Variants in GNA15 observed in about 807,000 individuals in gnomAD.
GNA15 encodes the protein guanine nucleotide-binding protein subunit alpha-15.
GNA15 carries 23 observed loss-of-function variants against 40.1 expected under a neutral mutation model. The ratio of observed to expected loss-of-function variants is 0.57; its 90% CI spans 0.41 to 0.81. The LOEUF (loss-of-function observed/expected upper bound fraction) is 0.81, where lower values mean the gene tolerates loss of function less well. Ranked by LOEUF, GNA15 falls within the 40% of genes least tolerant of loss-of-function variation. The pLI is 0.00. For missense variants in GNA15, 522 were observed against 515.8 expected, an observed-to-expected ratio of 1.01 and a Z score of -0.12; for synonymous variants, 226 against 210.4, an observed-to-expected ratio of 1.07 and a Z score of -0.64.
intron 6 of GNA15, 117 bp downstream of exon 6, chr19:3,157,998 C>T (rs1915069851): frequency 2.6e-6 from 2 of 783,702 alleles, no homozygotes; most frequent in African/African-American, 3.4e-5. Context: ...TAGGATCAGA[C>T]CCGCGTTCTA....
chr19:3,162,568 C>T (rs548725038), intron 6 of GNA15, among the ~76,000 whole-genome samples: 1 of 152,324 alleles, frequency 6.6e-6, no homozygotes, highest in East Asian at 1.9e-4. Flanking sequence ...CTCATTGGTC[C>T]ATTTCAGGTC....
chr19:3,159,544 C>T (rs770949196), intron 6 of GNA15, among the ~76,000 whole-genome samples: 1 of 151,816 alleles, frequency 6.6e-6, no homozygotes, highest in South Asian at 2.1e-4. Context: ...GGGGTTTCTC[C>T]ATGTTGGTCA....
chr19:3,137,184 G>A (rs1050522850), intron 1 of GNA15, among the ~76,000 whole-genome samples: 1 of 152,228 alleles, frequency 6.6e-6, no homozygotes, highest in African/African-American at 2.4e-5. Flanking sequence ...AGATATTTCT[G>A]TCTTCCTGGA....
chr19:3,154,513 TG>T (rs1267844066), intron 4 of GNA15, among the ~76,000 whole-genome samples: 1 of 150,160 alleles, frequency 6.7e-6, no homozygotes. Flanking sequence ...GATGAGTAAA[TG>T]GAGAGATGGA....
chr19:3,155,332 C>T lies in GNA15; in HGVS notation c.615-491C>T, dbSNP rs966788136. 2.0e-5 allele frequency among the ~76,000 whole-genome samples: 3 copies of T among 152,088 alleles called. No individual in the cohort carries two copies. Among genetic ancestry groups the T allele is most frequent in the Non-Finnish European group, 2.9e-5 (2 of 68,008 alleles). On this transcript the variant is annotated intron_variant, in intron 4 of 6. Coordinates refer to ENST00000262958, the MANE Select transcript of GNA15 (RefSeq NM_002068.4). The surrounding 1 kb of genome is among the most constrained non-coding windows in gnomAD (Gnocchi z 5.6). ...GGGGGCAGGGTTCAGGCTTTTGTTA[C>T]GGTGCGTGGGGCTGAGTCACAGATG...
chr19:3,156,303 A>G lies in GNA15; in HGVS notation c.744+351A>G, dbSNP rs181415183. On this transcript the variant is annotated intron_variant, in intron 5 of 6. Coordinates refer to ENST00000262958, the MANE Select transcript of GNA15 (RefSeq NM_002068.4). ...ACACGTGCACACACGGGACACATGT[A>G]CACACGCAGTGCACATGCACAACAC... Among the ~76,000 whole-genome samples, 463 of 151,788 alleles carry G rather than the reference A, an allele frequency of 3.1e-3. 2 individuals carry two copies. Among genetic ancestry groups the G allele is most frequent in the Non-Finnish European group, 5.5e-3 (373 of 67,966 alleles).
Position 3,163,345 on chromosome 19 carries a change from C to T in GNA15, c.*326C>T. On this transcript the variant is annotated 3_prime_UTR_variant, in exon 7 of 7. Transcript: ENST00000262958. ...GTGGGTGGGCATCTCTCAGGAGCCC[C>T]ATCTCCGGGCGTGTCACCTCCTGGG... 1 of 384,134 alleles carries T rather than the reference C, an allele frequency of 2.6e-6. No homozygotes were observed. Among genetic ancestry groups the T allele is most frequent in the Admixed American group, 4.0e-5 (1 of 24,846 alleles). The allele number at this position is 384,134 out of a possible 1,614,324, so 23.8% of individuals were successfully genotyped here.
intron 1 of GNA15, among the ~76,000 whole-genome samples, chr19:3,140,973 G>A (rs1914563273): frequency 1.3e-5 from 2 of 152,182 alleles, no homozygotes; most frequent in Non-Finnish European, 2.9e-5. Context: ...CCTCATCCCT[G>A]GAGACAGGTC....
intron 6 of GNA15, 29 bp from the exon 7 acceptor site, chr19:3,162,764 C>A: frequency 6.6e-7 from 1 of 1,526,464 alleles, no homozygotes; most frequent in Non-Finnish European, 9.1e-7. Flanking sequence ...AGGGAGGGTC[C>A]TCACCCCCTT....
intron 1 of GNA15, among the ~76,000 whole-genome samples, chr19:3,140,298 G>C (rs566181325): frequency 3.3e-5 from 5 of 152,184 alleles, no homozygotes; most frequent in African/African-American, 1.2e-4. Flanking sequence ...TCCTGCTACT[G>C]TCTGTAGGAT....
At chr19:3,157,351 T>C (rs1161503580) in intron 5 of GNA15, among the ~76,000 whole-genome samples, 1 of 152,112 alleles carries the variant, frequency 6.6e-6, no homozygotes, top group African/African-American at 2.4e-5. Context: ...GGCCACCGTA[T>C]TCTAGTATTG....
chr19:3,162,920 C>T lies in GNA15; in HGVS notation c.1026C>T (p.His342=), dbSNP rs773918054. 8.1e-6 allele frequency: 13 copies of T among 1,613,918 alleles called. No homozygotes were observed. The highest frequency in any genetic ancestry group is 2.5e-6 in the Non-Finnish European group (3 of 1,179,898). Residue 342 remains histidine, a synonymous_variant, in exon 7 of 7, where the codon CAC becomes CAT. Transcript: ENST00000262958. The part of the protein sequence containing the change: ...KGARSRRLFS[H]YTCATDTQNI... ...CACGATCCCGACGCCTCTTCAGCCA[C>T]TACACATGTGCCACAGACACACAGA...
intron 6 of GNA15, among the ~76,000 whole-genome samples, chr19:3,160,351 C>G (rs1044943015): frequency 2.0e-5 from 3 of 152,184 alleles, no homozygotes; most frequent in Non-Finnish European, 4.4e-5. Flanking sequence ...TTCTCTCTGT[C>G]TCCATCTGGG....
At position 3,150,363 on chromosome 19, in the gene GNA15, C is replaced by T. The variant is rs568944038; in HGVS notation, c.485+78C>T. 20 of 1,283,338 alleles carry T rather than the reference C, an allele frequency of 1.6e-5. No homozygotes were observed. In the East Asian group the frequency reaches 4.8e-4, roughly 31 times the overall value. The allele number at this position is 1,283,338 out of a possible 1,614,324, so 79.5% of individuals were successfully genotyped here. A position where few individuals can be genotyped will look rare whatever the true frequency, so the allele number is the denominator to read the frequency against. The stretch of plus-strand genomic sequence containing the variant: ...GGCCAGGCTGGCTGGCTTCCTGCAG[C>T]AGGAGATATTGTGGGCGCAGATGGG... On this transcript the variant is annotated intron_variant, in intron 3 of 6. Coordinates refer to ENST00000262958, the MANE Select transcript of GNA15 (RefSeq NM_002068.4).
intron 4 of GNA15, among the ~76,000 whole-genome samples, chr19:3,152,290 G>C (rs1346909249): frequency 6.6e-6 from 1 of 152,004 alleles, no homozygotes; most frequent in Non-Finnish European, 1.5e-5. Flanking sequence ...AAAAGGAGGA[G>C]CCAGGACAGC....
intron 4 of GNA15, among the ~76,000 whole-genome samples, chr19:3,154,632 ATGGGTGGATGGATGGG>A (rs1914968198): frequency 6.8e-6 from 1 of 146,710 alleles, no homozygotes; most frequent in Non-Finnish European, 1.5e-5. Flanking sequence ...GAATGGCTGG[ATGGGTGGATGGATGGG>A]TGGGTGGATG....
intron 2 of GNA15, chr19:3,149,535 C>T (rs766353474): frequency 5.7e-5 from 9 of 156,600 alleles, no homozygotes; most frequent in Non-Finnish European, 9.9e-5. Context: ...CACCCAGACA[C>T]ACCCATGTAC....
At position 3,155,750 on chromosome 19, in the gene GNA15, G is replaced by A; in HGVS notation, c.615-73G>A. The A allele has an allele frequency of 2.6e-6, 4 of 1,542,954 alleles. No homozygotes were observed. The highest frequency in any genetic ancestry group is 2.6e-6 in the Non-Finnish European group (3 of 1,140,488). ...CTATTATGGATCTTGGCATATCCCA[G>A]ACGTGATGGGGGTTGGGGGTGTCAC... On this transcript the variant is annotated intron_variant, in intron 4 of 6. Transcript: ENST00000262958. This position sits in a 1 kb window ranked among gnomAD's most constrained non-coding sequence, Gnocchi z 5.6.
rs1372088870 is a variant in GNA15 at position 3,150,284 on chromosome 19, T to C, written c.484T>C (p.Tyr162His). 10 of 1,583,354 alleles carry C rather than the reference T, an allele frequency of 6.3e-6. No homozygotes were observed. The highest frequency in any genetic ancestry group is 1.3e-5 in the African/African-American group (1 of 74,306). The stretch of plus-strand genomic sequence containing the variant: ...ATTCCACCTGCTCGATTCAGCCGTG[T>C]AGTGAGTCTGGGGTCTGCGGGGGAT... ...REFHLLDSAV[Y>H]YLSHLERITE... Residue 162 changes from tyrosine to histidine, a missense_variant and splice_region_variant, in exon 3 of 7, where the codon TAC (tyrosine) becomes CAC (histidine). By Grantham distance (83) the Tyr-to-His change is moderately conservative. Coordinates refer to ENST00000262958, the MANE Select transcript of GNA15 (RefSeq NM_002068.4).
Sources: gnomAD v4.1 joint callset for allele counts (sites outside exome capture counted in the v4.1 genomes callset) on GRCh38, gnomAD v4.1.1 for gene constraint, Gnocchi (gnomAD v3.1) non-coding constraint, MANE v1.5 for transcripts, NCBI Gene and HGNC (gene_info 2026-07-23, HGNC 2026-07-21) for gene names.